The following CDH13 variants were observed in gnomAD, a reference collection of about 807,000 sequenced individuals.
The protein encoded by CDH13 is cadherin-13.
CDH13 carries 24 observed loss-of-function variants against 63.8 expected under a neutral mutation model. The ratio of observed to expected loss-of-function variants is 0.38; its 90% CI spans 0.27 to 0.53. The LOEUF is 0.53. Among genes scored for constraint, CDH13 ranks in the 20% least tolerant of loss-of-function variants. The pLI, the probability that CDH13 is intolerant of heterozygous loss-of-function variation, is 0.85. For missense variants in CDH13, 1,049 were observed against 903.1 expected, an observed-to-expected ratio of 1.16 and a Z score of -2.07; for synonymous variants, 503 against 355.3, an observed-to-expected ratio of 1.42 and a Z score of -4.67.
chr16:83,366,930 T>A (rs181096149), intron 6 of CDH13, among the ~76,000 whole-genome samples: 2 of 152,316 alleles, frequency 1.3e-5, no homozygotes, highest in Non-Finnish European at 2.9e-5. Context: ...CCTCTTTTTT[T>A]TTCTCCTTCT....
intron 7 of CDH13, among the ~76,000 whole-genome samples, chr16:83,536,032 CTAGAG>C (rs1489124413): frequency 1.3e-5 from 2 of 152,172 alleles, no homozygotes; most frequent in East Asian, 3.9e-4. Flanking sequence ...CCTCCTCTCT[CTAGAG>C]TAGTCATTGA....
intron 6 of CDH13, among the ~76,000 whole-genome samples, chr16:83,384,955 A>C (rs148801743): frequency 6.6e-6 from 1 of 152,194 alleles, no homozygotes; most frequent in African/African-American, 2.4e-5. Flanking sequence ...TAAGGCACCA[A>C]TGTATATTTT....
At chr16:83,362,569 G>A (rs1192884536) in intron 6 of CDH13, among the ~76,000 whole-genome samples, 1 of 152,166 alleles carries the variant, frequency 6.6e-6, no homozygotes, top group East Asian at 1.9e-4. Flanking sequence ...TCCCCCCAGT[G>A]AGATTGGGTA....
At chr16:82,827,745 T>G (rs1051866512) in intron 1 of CDH13, among the ~76,000 whole-genome samples, 1 of 152,184 alleles carries the variant, frequency 6.6e-6, no homozygotes, top group East Asian at 1.9e-4. Context: ...TTTTACTTGA[T>G]GAAAATAGAC....
chr16:83,652,721 AT>A (rs1251887882), intron 8 of CDH13, among the ~76,000 whole-genome samples: 23 of 152,332 alleles, frequency 1.5e-4, no homozygotes, highest in African/African-American at 5.5e-4. Flanking sequence ...CAAGGGCTAC[AT>A]ATGGGTTAAC....
chr16:83,139,060 C>T (rs532274436), intron 4 of CDH13, among the ~76,000 whole-genome samples: 7 of 151,824 alleles, frequency 4.6e-5, no homozygotes, highest in Admixed American at 3.9e-4. Context: ...TTTTATCCAC[C>T]TCCCCGTAGT....
At chr16:83,080,880 T>TTTTTTTTTTTTTTTTTTTTTTTTTTTG (rs2033196123) in intron 3 of CDH13, among the ~76,000 whole-genome samples, 1 of 112,548 alleles carries the variant, frequency 8.9e-6, no homozygotes, top group African/African-American at 3.6e-5. Flanking sequence ...TGTTTTTTTT[T>TTTTTTTTTTTTTTTTTTTTTTTTTTTG]TTTTTTTTTT....
chr16:82,945,457 C>A (rs561400763), intron 2 of CDH13, among the ~76,000 whole-genome samples: 1 of 152,254 alleles, frequency 6.6e-6, no homozygotes. Flanking sequence ...GAGAGCTTTC[C>A]CTTACAGGGT....
intron 3 of CDH13, among the ~76,000 whole-genome samples, chr16:83,105,304 TTC>T (rs1197823066): frequency 1.3e-5 from 2 of 152,224 alleles, no homozygotes; most frequent in African/African-American, 4.8e-5. Flanking sequence ...AACGCTGTTT[TTC>T]TCTGAGTCTG....
intron 1 of CDH13, among the ~76,000 whole-genome samples, chr16:82,680,084 A>C (rs1914379875): frequency 1.3e-5 from 2 of 152,236 alleles, no homozygotes; most frequent in Admixed American, 6.5e-5. Flanking sequence ...CCACTGGGGA[A>C]GAGAGAGTTG....
At position 83,205,065 on chromosome 16, in the gene CDH13, A is replaced by G. The variant is rs144419015; in HGVS notation, c.484-12280A>G. On this transcript the variant is annotated intron_variant, in intron 4 of 13. Transcript: ENST00000567109. The stretch of plus-strand genomic sequence containing the variant: ...GCCCACAGGGGCTGAGGCAGCCACC[A>G]TGATTACTTTCTGATACCATAAATC... Among the ~76,000 whole-genome samples the G allele has an allele frequency of 3.9e-3, 595 of 152,350 alleles. 4 individuals carry two copies. Among genetic ancestry groups the G allele is most frequent in the Non-Finnish European group, 5.7e-3 (387 of 68,030 alleles).
At chr16:83,044,244 A>C (rs1419142780) in intron 3 of CDH13, among the ~76,000 whole-genome samples, 1 of 152,214 alleles carries the variant, frequency 6.6e-6, no homozygotes, top group East Asian at 1.9e-4. Flanking sequence ...GCAGGACTGG[A>C]AGTTGAGCTG....
chr16:83,042,938 T>C (rs369172349), intron 3 of CDH13, among the ~76,000 whole-genome samples: 3 of 152,326 alleles, frequency 2.0e-5, no homozygotes, highest in East Asian at 3.9e-4. Context: ...GTGTGATAAC[T>C]TCAAAAAACC....
intron 3 of CDH13, among the ~76,000 whole-genome samples, chr16:83,039,432 G>C (rs1224627608): frequency 6.6e-6 from 1 of 152,058 alleles, no homozygotes; most frequent in African/African-American, 2.4e-5. Flanking sequence ...CTCGCCTCTT[G>C]TCCCCATCCC....
intron 2 of CDH13, among the ~76,000 whole-genome samples, chr16:82,933,023 A>G (rs1018252023): frequency 3.3e-5 from 5 of 152,096 alleles, no homozygotes; most frequent in Non-Finnish European, 5.9e-5. Flanking sequence ...ATATTTTTTT[A>G]TATTTTTATG....
chr16:82,984,833 G>A (rs1910736041), intron 2 of CDH13, among the ~76,000 whole-genome samples: 2 of 152,092 alleles, frequency 1.3e-5, no homozygotes, highest in Non-Finnish European at 1.5e-5. Context: ...ACTTAACCCA[G>A]AGCTTGGAAC....
chr16:83,133,152 C>T (rs935695372), intron 4 of CDH13, among the ~76,000 whole-genome samples: 1 of 152,144 alleles, frequency 6.6e-6, no homozygotes, highest in East Asian at 1.9e-4. Context: ...CACTTCATTC[C>T]ATTATTGGGA....
At chr16:82,707,056 G>A (rs72837569) in intron 1 of CDH13, among the ~76,000 whole-genome samples, 4,583 of 152,300 alleles carry the variant, frequency 0.03, 110 homozygotes, top group South Asian at 0.07. Flanking sequence ...AGGACAAGGC[G>A]TGGACCATCC....
At chr16:83,044,609 A>C (rs1424972021) in intron 3 of CDH13, among the ~76,000 whole-genome samples, 2 of 152,236 alleles carry the variant, frequency 1.3e-5, no homozygotes, top group Non-Finnish European at 2.9e-5. Flanking sequence ...TCTTGCGTTT[A>C]TATTTTTAAA....
Sources: gnomAD v4.1 joint callset for allele counts (sites outside exome capture counted in the v4.1 genomes callset) on GRCh38, gnomAD v4.1.1 for gene constraint, MANE v1.5 for transcripts, NCBI Gene and HGNC (gene_info 2026-07-23, HGNC 2026-07-21) for gene names.